Variants in QRICH1 observed in about 807,000 individuals in gnomAD.
The protein encoded by QRICH1 is transcriptional regulator QRICH1.
QRICH1 carries 16 observed loss-of-function variants against 87.1 expected under a neutral mutation model. The ratio of observed to expected loss-of-function variants is 0.18; its 90% CI spans 0.12 to 0.28. QRICH1 has a LOEUF of 0.28. Ranked by LOEUF, QRICH1 falls within the 10% of genes least tolerant of loss-of-function variation. QRICH1 has a pLI of 1.00. For missense variants in QRICH1, 647 were observed against 951.7 expected (o/e 0.68, Z 4.21); for synonymous variants, 367 against 368.4 (o/e 1.00, Z 0.05).
chr3:49,054,274 G>A (rs1489031940), intron 3 of QRICH1, among the ~76,000 whole-genome samples: 1 of 152,114 alleles, frequency 6.6e-6, no homozygotes, highest in Non-Finnish European at 1.5e-5. Flanking sequence ...GAGAGCTAGG[G>A]GAGGCCTAAT....
chr3:49,064,017 T>C (rs1299475749), intron 2 of QRICH1, among the ~76,000 whole-genome samples: 2 of 151,802 alleles, frequency 1.3e-5, no homozygotes, highest in African/African-American at 4.8e-5. Flanking sequence ...AGCGATTCTC[T>C]TGCCTCAGCC....
intron 1 of QRICH1, among the ~76,000 whole-genome samples, chr3:49,087,805 C>T (rs1393858245): frequency 5.1e-5 from 2 of 39,168 alleles, no homozygotes; most frequent in Non-Finnish European, 8.1e-5. Flanking sequence ...ACTCAGGAGG[C>T]GGAGGTTCAT....
At chr3:49,055,594 C>G (rs1287086832) in intron 3 of QRICH1, among the ~76,000 whole-genome samples, 1 of 152,166 alleles carries the variant, frequency 6.6e-6, no homozygotes, top group African/African-American at 2.4e-5. Flanking sequence ...AACTCCTGGG[C>G]TCAAGCATTC....
chr3:49,078,880 CTGGGTTTTGCCA>C (rs1045535833), intron 1 of QRICH1, among the ~76,000 whole-genome samples: 1 of 151,438 alleles, frequency 6.6e-6, no homozygotes, highest in African/African-American at 2.4e-5. Context: ...TTAGTAGAGA[CTGGGTTTTGCCA>C]TGTTGGCCTG....
intron 2 of QRICH1, among the ~76,000 whole-genome samples, chr3:49,065,171 T>C (rs1364711843): frequency 2.0e-5 from 3 of 151,858 alleles, no homozygotes; most frequent in Non-Finnish European, 2.9e-5. Flanking sequence ...AGTCTCACTC[T>C]GTTGCCCAGG....
chr3:49,089,012 G>A (rs2042222658), intron 1 of QRICH1, among the ~76,000 whole-genome samples: 1 of 151,860 alleles, frequency 6.6e-6, no homozygotes, highest in South Asian at 2.1e-4. Flanking sequence ...CATGCCAGAG[G>A]AGTCCCTGGT....
chr3:49,030,003 A>T lies in QRICH1; in HGVS notation c.*449T>A, dbSNP rs1319285116. On this transcript the variant is annotated 3_prime_UTR_variant, in exon 10 of 10. Coordinates refer to ENST00000395443, the MANE Select transcript of QRICH1 (RefSeq NM_198880.3). ...TTTCTTCCATTAAGATGCTAAGTTT[A>T]TGTCTGATCATGAAGAAAGAAAAGA... 2 of 225,524 alleles carry T rather than the reference A, an allele frequency of 8.9e-6. No individual in the cohort carries two copies. The highest frequency in any genetic ancestry group is 1.7e-5 in the Non-Finnish European group (2 of 116,052). 14.0% of individuals were successfully genotyped at this position (225,524 alleles called of 1,614,324 possible).
Position 49,078,306 on chromosome 3 carries a change from G to A in QRICH1, c.-21-1268C>T, listed in dbSNP as rs369168088. Among the ~76,000 whole-genome samples the A allele has an allele frequency of 1.2e-4, 18 of 150,120 alleles. 2 individuals are homozygous for A. The highest frequency in any genetic ancestry group is 2.9e-4 in the African/African-American group (12 of 40,942). On this transcript the variant is annotated intron_variant, in intron 1 of 9. Coordinates refer to ENST00000395443, the MANE Select transcript of QRICH1 (RefSeq NM_198880.3). ...ACAAGACTATGTCCTGGTTCTCTCC[G>A]AATAGCTCACCCATGGTAGTTGCTT...
chr3:49,084,318 C>A (rs1272420559), intron 1 of QRICH1, among the ~76,000 whole-genome samples: 1 of 151,598 alleles, frequency 6.6e-6, no homozygotes, highest in African/African-American at 2.4e-5. Context: ...CGTAGTGGCA[C>A]GATCCTGGCT....
intron 6 of QRICH1, among the ~76,000 whole-genome samples, chr3:49,040,010 G>A (rs1474880915): frequency 1.3e-5 from 2 of 152,136 alleles, no homozygotes; most frequent in Admixed American, 6.6e-5. Context: ...GAAGTCAGCC[G>A]AGATCATACC....
chr3:49,050,578 C>T lies in QRICH1; in HGVS notation c.1339-3332G>A, dbSNP rs79503524. Among the ~76,000 whole-genome samples, 605 of 152,030 alleles carry T rather than the reference C, an allele frequency of 4.0e-3. 4 individuals are homozygous for T. Among genetic ancestry groups the T allele is most frequent in the Middle Eastern group, 0.017 (5 of 294 alleles). ...GTTTTGCATCAGGCCCAGAATACTG[C>T]GATATATTAAATTACAGTCCAGGGC... On this transcript the variant is annotated intron_variant, in intron 3 of 9. Coordinates refer to ENST00000395443, the MANE Select transcript of QRICH1 (RefSeq NM_198880.3).
At chr3:49,067,945 C>T (rs1048268313) in intron 2 of QRICH1, among the ~76,000 whole-genome samples, 5 of 151,020 alleles carry the variant, frequency 3.3e-5, no homozygotes, top group Non-Finnish European at 5.9e-5. Context: ...AGCGAGACTC[C>T]GTCTCAAAAA....
intron 2 of QRICH1, among the ~76,000 whole-genome samples, chr3:49,064,895 T>C (rs1302018919): frequency 6.6e-6 from 1 of 151,900 alleles, no homozygotes; most frequent in Non-Finnish European, 1.5e-5. Context: ...TGCATGCCTG[T>C]AATCCCAGCT....
At chr3:49,065,610 T>C (rs1303419200) in intron 2 of QRICH1, among the ~76,000 whole-genome samples, 3 of 152,046 alleles carry the variant, frequency 2.0e-5, no homozygotes, top group Admixed American at 6.6e-5. Context: ...AATTAATACA[T>C]TGGCATTGTA....
chr3:49,035,559 T>C (rs776979776), intron 6 of QRICH1, among the ~76,000 whole-genome samples: 2 of 151,842 alleles, frequency 1.3e-5, no homozygotes, highest in Non-Finnish European at 2.9e-5. Context: ...TCTCAGCACA[T>C]TGGGAAGCCA....
intron 1 of QRICH1, among the ~76,000 whole-genome samples, chr3:49,077,445 TGGA>T (rs1447180880): frequency 6.6e-6 from 1 of 152,178 alleles, no homozygotes; most frequent in Admixed American, 6.6e-5. Context: ...GGGATTCCTA[TGGA>T]TATGTTTTAT....
chr3:49,081,781 G>A (rs369188067), intron 1 of QRICH1, among the ~76,000 whole-genome samples: 2 of 151,592 alleles, frequency 1.3e-5, no homozygotes, highest in Non-Finnish European at 2.9e-5. Flanking sequence ...GATTACAGGC[G>A]TGAGCCACCA....
chr3:49,036,307 T>C (rs2093275048), intron 6 of QRICH1, among the ~76,000 whole-genome samples: 1 of 152,102 alleles, frequency 6.6e-6, no homozygotes, highest in Non-Finnish European at 1.5e-5. Flanking sequence ...CTAGGAACAA[T>C]AAGCACCCCT....
chr3:49,075,768 A>G (rs2041938846), intron 2 of QRICH1, among the ~76,000 whole-genome samples: 2 of 152,294 alleles, frequency 1.3e-5, no homozygotes, highest in East Asian at 3.9e-4. Flanking sequence ...GGGGAAACCC[A>G]GTCTGTATTA....
Sources: gnomAD v4.1 joint callset for allele counts (sites outside exome capture counted in the v4.1 genomes callset) on GRCh38, gnomAD v4.1.1 for gene constraint, MANE v1.5 for transcripts, NCBI Gene and HGNC (gene_info 2026-07-23, HGNC 2026-07-21) for gene names.